DYNC2I2: variants seen among roughly 807,000 people sequenced by gnomAD.
The protein encoded by DYNC2I2 is cytoplasmic dynein 2 intermediate chain 2.
Under a neutral mutation model 52.0 loss-of-function variants are expected in DYNC2I2, and 39 were observed. The observed-to-expected ratio is 0.75, with a 90% CI of 0.58 to 0.98. DYNC2I2 has a LOEUF of 0.98. Among genes scored for constraint, DYNC2I2 ranks in the 50% least tolerant of loss-of-function variants. The pLI, the probability that DYNC2I2 is intolerant of heterozygous loss-of-function variation, is 0.00. For synonymous variants in DYNC2I2, 359 were observed against 321.1 expected (o/e 1.12, Z -1.26); for missense variants, 743 against 728.4 (o/e 1.02, Z -0.23).
the DYNC2I2 span, among the ~76,000 whole-genome samples, chr9:128,669,266 G>A: frequency 2.0e-5 from 3 of 152,258 alleles, no homozygotes; most frequent in East Asian, 5.8e-4. Context: ...TCGGGAGGCT[G>A]AGGCAGGAGA....
chr9:128,659,541 T>C (rs973195976), upstream of DYNC2I2, among the ~76,000 whole-genome samples: 2 of 149,248 alleles, frequency 1.3e-5, no homozygotes, highest in East Asian at 4.0e-4. Flanking sequence ...AGGTCTGGTG[T>C]GGTGGCTCAT....
chr9:128,678,205 G>T, the DYNC2I2 span, among the ~76,000 whole-genome samples: 8 of 149,984 alleles, frequency 5.3e-5, no homozygotes, highest in Non-Finnish European at 1.5e-5. Flanking sequence ...GAGTAGCTAG[G>T]ATTACAGGCA....
chr9:128,684,260 C>T, the DYNC2I2 span, among the ~76,000 whole-genome samples: 1 of 152,130 alleles, frequency 6.6e-6, no homozygotes, highest in Non-Finnish European at 1.5e-5. Flanking sequence ...CCCCAAACTT[C>T]CTCCTCTGGG....
intron 1 of DYNC2I2, among the ~76,000 whole-genome samples, chr9:128,656,106 G>A (rs561953376): frequency 6.8e-6 from 1 of 146,564 alleles, no homozygotes; most frequent in South Asian, 2.2e-4. Context: ...AGATACTCTG[G>A]ATGCGCAGGT....
At chr9:128,663,681 A>C in the DYNC2I2 span, 3 of 108,026 alleles carry the variant, frequency 2.8e-5, no homozygotes, top group Admixed American at 1.3e-4. Context: ...GAGACAGGGT[A>C]TCACTCTTGT....
rs1426296557 is a variant in DYNC2I2, at chr9:128,636,282, T to A, written c.702A>T (p.Ala234=). 1 of 1,565,072 alleles carries A rather than the reference T, an allele frequency of 6.4e-7. No homozygotes were observed. Among genetic ancestry groups the A allele is most frequent in the East Asian group, 2.4e-5 (1 of 42,092 alleles). The change falls in exon 4 of 9, where the codon GCA becomes GCT. Residue 234 remains alanine, a splice_region_variant and synonymous_variant. Coordinates refer to ENST00000372715, the MANE Select transcript of DYNC2I2 (RefSeq NM_052844.4). ...AFHPTQPSHV[A]GGLYSGEVLV... ...AGGCGGACACAGCAGGCAGCTCACC[T>A]GCGACGTGGGAGGGCTGCGTGGGGT...
the DYNC2I2 span, among the ~76,000 whole-genome samples, chr9:128,679,372 C>T: frequency 3.3e-5 from 5 of 152,146 alleles, no homozygotes; most frequent in African/African-American, 9.7e-5. Context: ...GATGGTGGCA[C>T]GTCCTCCACC....
At chr9:128,680,976 T>A in the DYNC2I2 span, among the ~76,000 whole-genome samples, 5 of 150,550 alleles carry the variant, frequency 3.3e-5, no homozygotes, top group African/African-American at 1.2e-4. Flanking sequence ...ACACCTAGCT[T>A]GTTTTTGTAC....
rs34154610 is a variant in DYNC2I2, at chr9:128,649,688, C to CAAAAAAAAAAAAAAAAAA, written c.186+6835_186+6852dup. Among the ~76,000 whole-genome samples, 11 of 47,230 alleles carry CAAAAAAAAAAAAAAAAAA rather than the reference C, an allele frequency of 2.3e-4. 1 individual carries two copies. The highest frequency in any genetic ancestry group is 1.5e-3 in the African/African-American group (11 of 7,324). 31.0% of individuals were successfully genotyped at this position (47,230 alleles called of 152,430 possible). The stretch of plus-strand genomic sequence containing the variant: ...TGGGCAAGACAGTGAGACTCCATCT[C>CAAAAAAAAAAAAAAAAAA]AAAAAAAAAAAAAAAAAAAAACTGG... On this transcript the variant is annotated intron_variant, in intron 1 of 8. Transcript: ENST00000372715.
intron 8 of DYNC2I2, 56 bp downstream of exon 8, chr9:128,634,170 C>A (rs1440070843): frequency 6.2e-7 from 1 of 1,603,648 alleles, no homozygotes; most frequent in African/African-American, 1.3e-5. Flanking sequence ...CAGGTACAAG[C>A]AGGGCCCAGA....
chr9:128,667,748 T>C, the DYNC2I2 span, among the ~76,000 whole-genome samples: 1 of 151,032 alleles, frequency 6.6e-6, no homozygotes, highest in Non-Finnish European at 1.5e-5. Context: ...TTTTTTTTTT[T>C]TTTGAGAGGG....
chr9:128,662,425 A>G, the DYNC2I2 span, among the ~76,000 whole-genome samples: 71 of 84,714 alleles, frequency 8.4e-4, no homozygotes, highest in East Asian at 0.014. Flanking sequence ...GTTTTGTTTT[A>G]TTTGAGATGG....
chr9:128,683,946 A>G, the DYNC2I2 span: 1 of 1,557,232 alleles, frequency 6.4e-7, no homozygotes, highest in South Asian at 1.2e-5. Context: ...AGAAACCAAG[A>G]CCACCTCCTG....
chr9:128,656,896 G>A (rs1255653781), upstream of DYNC2I2: 2 of 703,050 alleles, frequency 2.8e-6, no homozygotes, highest in East Asian at 6.9e-5. Context: ...CTCGGCCAGA[G>A]AGAGAAGCAT....
the DYNC2I2 span, among the ~76,000 whole-genome samples, chr9:128,665,739 C>T: frequency 4.8e-5 from 7 of 146,318 alleles, no homozygotes; most frequent in Admixed American, 1.4e-4. Flanking sequence ...CACTATACTC[C>T]GGCCTGGGCG....
At chr9:128,678,047 C>T in the DYNC2I2 span, among the ~76,000 whole-genome samples, 2 of 151,662 alleles carry the variant, frequency 1.3e-5, no homozygotes, top group African/African-American at 2.4e-5. Context: ...TTCCCTTCGA[C>T]TTAGCTGCAG....
chr9:128,684,133 G>C, the DYNC2I2 span: 3 of 723,090 alleles, frequency 4.1e-6, no homozygotes, highest in Non-Finnish European at 6.8e-6. Context: ...TTAAACCTGG[G>C]ATGGTGGATT....
rs140034879 is a variant in DYNC2I2 at position 128,635,185 on chromosome 9, T to C, written c.888A>G (p.Leu296=). 0.013 allele frequency: 21,652 copies of C among 1,613,284 alleles called. 186 individuals carry two copies. Among genetic ancestry groups the C allele is most frequent in the Non-Finnish European group, 0.017 (20,022 of 1,179,934 alleles). Residue 296 remains leucine (L), a synonymous_variant, in exon 6 of 9, where the codon CTA becomes CTG. Coordinates refer to ENST00000372715, the MANE Select transcript of DYNC2I2 (RefSeq NM_052844.4). ...VLSVATDGKV[L]LWQGIGVGQL... ...GGCCTACCCCGATGCCCTGCCAGAGTAGCACCTTCCCGTCGGTGGCCACAC... is the reference window on the plus strand; with the variant it reads ...GGCCTACCCCGATGCCCTGCCAGAGCAGCACCTTCCCGTCGGTGGCCACAC...
intron 1 of DYNC2I2, among the ~76,000 whole-genome samples, chr9:128,646,269 GCA>G (rs1272553211): frequency 6.6e-6 from 1 of 152,224 alleles, no homozygotes. Context: ...AGGCTGGAGT[GCA>G]GTGGTGTGAT....
Sources: allele counts gnomAD v4.1 joint callset (sites outside exome capture counted in the v4.1 genomes callset), GRCh38; gene constraint gnomAD v4.1.1; transcripts MANE v1.5; gene names NCBI Gene and HGNC (gene_info 2026-07-23, HGNC 2026-07-21).